PARM1: variants seen among roughly 807,000 people sequenced by gnomAD.
PARM1 encodes the protein prostate androgen-regulated mucin-like protein 1, also known as WSC4, cell wall integrity and stress response component 4 homolog.
In PARM1, 14 loss-of-function variants were observed where a neutral mutation model predicts 24.6. That is an observed-to-expected ratio of 0.57 (90% CI 0.38 to 0.89). The LOEUF is 0.89. Ranked by LOEUF, PARM1 falls within the 40% of genes least tolerant of loss-of-function variation. The pLI, the probability that PARM1 is intolerant of heterozygous loss-of-function variation, is 0.00. For synonymous variants in PARM1, 179 were observed against 156.6 expected (o/e 1.14, Z -1.07); for missense variants, 362 against 380.4 (o/e 0.95, Z 0.40).
At chr4:75,000,743 T>C (rs370523832) in intron 1 of PARM1, among the ~76,000 whole-genome samples, 1 of 152,246 alleles carries the variant, frequency 6.6e-6, no homozygotes, top group Non-Finnish European at 1.5e-5. Flanking sequence ...GAAGTGGCTG[T>C]TGGATTAGCC....
At chr4:75,043,153 T>C (rs1723533841) in intron 3 of PARM1, among the ~76,000 whole-genome samples, 1 of 152,164 alleles carries the variant, frequency 6.6e-6, no homozygotes, top group Non-Finnish European at 1.5e-5. Context: ...CTTTAAAAAT[T>C]CAAATACAAT....
intron 3 of PARM1, among the ~76,000 whole-genome samples, chr4:75,038,547 AGCTCATT>A (rs1216039626): frequency 6.6e-6 from 1 of 152,226 alleles, no homozygotes; most frequent in African/African-American, 2.4e-5. Context: ...ATGGCACAGC[AGCTCATT>A]TCCTAATTGA....
rs1214018937 is a variant in PARM1, at chr4:75,033,858, T to C, written c.770-25T>C. 5 of 1,577,454 alleles carry C rather than the reference T, an allele frequency of 3.2e-6. No individual in the cohort carries two copies. In the Admixed American group the frequency reaches 9.0e-5, roughly 28 times the overall value. On this transcript the variant is annotated intron_variant, in intron 2 of 3. Transcript: ENST00000307428. Reference sequence around the variant, plus strand: ...TGCCCCGTATCCTCATGTATCTTCTTTTCTGTGCCCTTCCTCCTTCACAGG... The same window carrying C: ...TGCCCCGTATCCTCATGTATCTTCTCTTCTGTGCCCTTCCTCCTTCACAGG...
chr4:74,959,489 C>A (rs1054158332), intron 1 of PARM1, among the ~76,000 whole-genome samples: 7 of 152,178 alleles, frequency 4.6e-5, no homozygotes, highest in Admixed American at 3.9e-4. Context: ...CCTCACCATG[C>A]TTATTTCTAC....
chr4:75,011,921 ACAG>A (rs2109793942), intron 1 of PARM1, among the ~76,000 whole-genome samples: 1 of 152,300 alleles, frequency 6.6e-6, no homozygotes, highest in East Asian at 1.9e-4. Context: ...AAGACATGGA[ACAG>A]CCAGTCAGTG....
intron 1 of PARM1, among the ~76,000 whole-genome samples, chr4:74,933,990 A>T (rs1048223950): frequency 3.3e-5 from 5 of 152,028 alleles, no homozygotes; most frequent in African/African-American, 1.2e-4. Context: ...CTGCCCCAGA[A>T]CTCCCCAAAA....
intron 1 of PARM1, among the ~76,000 whole-genome samples, chr4:74,939,125 A>G (rs903753444): frequency 5.9e-5 from 9 of 152,158 alleles, no homozygotes; most frequent in South Asian, 2.1e-4. Context: ...TTAACTGCCA[A>G]CCATACTTTT....
intron 1 of PARM1, among the ~76,000 whole-genome samples, chr4:74,944,829 G>T (rs1169080426): frequency 1.3e-5 from 2 of 152,166 alleles, no homozygotes; most frequent in African/African-American, 4.8e-5. Context: ...ATAAGAAACA[G>T]CTGTCTCTTG....
At chr4:74,952,445 A>G (rs1234583747) in intron 1 of PARM1, among the ~76,000 whole-genome samples, 2 of 152,116 alleles carry the variant, frequency 1.3e-5, no homozygotes, top group Non-Finnish European at 2.9e-5. Context: ...TAGTTTATTT[A>G]TATCCCATTG....
intron 1 of PARM1, among the ~76,000 whole-genome samples, chr4:75,004,107 A>G (rs1203948927): frequency 6.6e-6 from 1 of 152,226 alleles, no homozygotes; most frequent in Non-Finnish European, 1.5e-5. Flanking sequence ...TTGTGTTAAC[A>G]GGTCATTTTC....
chr4:74,938,695 T>C (rs1344802538), intron 1 of PARM1, among the ~76,000 whole-genome samples: 5 of 152,322 alleles, frequency 3.3e-5, no homozygotes, highest in Non-Finnish European at 7.4e-5. Context: ...ATTATTTAAA[T>C]GATAGGGTTG....
At position 74,982,144 on chromosome 4, in the gene PARM1, G is replaced by A. The variant is rs142793746; in HGVS notation, c.44-30281G>A. ...AAGGAATGAGATCATGTCCTTTGCCGGGACATAGATGGAGCTGGAAGCCAT... is the reference window on the plus strand; with the variant it reads ...AAGGAATGAGATCATGTCCTTTGCCAGGACATAGATGGAGCTGGAAGCCAT... On this transcript the variant is annotated intron_variant, in intron 1 of 3. Transcript: ENST00000307428. Among the ~76,000 whole-genome samples, 145 of 152,232 alleles carry A rather than the reference G, an allele frequency of 9.5e-4. 1 individual carries two copies. Among genetic ancestry groups the A allele is most frequent in the African/African-American group, 3.3e-3 (136 of 41,550 alleles).
intron 2 of PARM1, among the ~76,000 whole-genome samples, chr4:75,024,152 G>T (rs1017014277): frequency 1.3e-5 from 2 of 151,978 alleles, no homozygotes. Context: ...GGCGCCTGTA[G>T]TCCCAGCTAC....
At chr4:74,974,964 T>C (rs560572485) in intron 1 of PARM1, among the ~76,000 whole-genome samples, 1 of 152,330 alleles carries the variant, frequency 6.6e-6, no homozygotes, top group South Asian at 2.1e-4. Flanking sequence ...CTCAGACTTC[T>C]AGCCTCCAGA....
chr4:74,958,395 A>C (rs1721693665), intron 1 of PARM1, among the ~76,000 whole-genome samples: 1 of 152,202 alleles, frequency 6.6e-6, no homozygotes, highest in African/African-American at 2.4e-5. Flanking sequence ...GGAGGTATGA[A>C]TGGAGTATAG....
At chr4:74,976,548 T>C (rs1435640143) in intron 1 of PARM1, among the ~76,000 whole-genome samples, 2 of 152,172 alleles carry the variant, frequency 1.3e-5, no homozygotes, top group Non-Finnish European at 2.9e-5. Flanking sequence ...GGCTGGGCAG[T>C]CCACATGAGG....
intron 1 of PARM1, among the ~76,000 whole-genome samples, chr4:74,992,413 G>A (rs1722495982): frequency 1.3e-5 from 2 of 152,094 alleles, no homozygotes; most frequent in Admixed American, 6.6e-5. Flanking sequence ...AAGGGGCAGT[G>A]CAGAAAAAAT....
chr4:74,951,534 C>G (rs569389809), intron 1 of PARM1, among the ~76,000 whole-genome samples: 19 of 152,216 alleles, frequency 1.2e-4, no homozygotes, highest in African/African-American at 4.6e-4. Context: ...TGGTTTGCTG[C>G]ACCCATCAAC....
At chr4:74,979,195 T>A (rs1722197947) in intron 1 of PARM1, among the ~76,000 whole-genome samples, 1 of 150,810 alleles carries the variant, frequency 6.6e-6, no homozygotes, top group African/African-American at 2.5e-5. Context: ...CTGTTCTTTT[T>A]TAAAAAAAAT....
Sources: gnomAD v4.1 joint callset for allele counts (sites outside exome capture counted in the v4.1 genomes callset) on GRCh38, gnomAD v4.1.1 for gene constraint, MANE v1.5 for transcripts, NCBI Gene and HGNC (gene_info 2026-07-23, HGNC 2026-07-21) for gene names.